PARP6: variants seen among roughly 807,000 people sequenced by gnomAD.
PARP6 encodes the protein poly(ADP-ribose) polymerase family member 6.
A neutral mutation model predicts 92.0 loss-of-function variants in PARP6; 27 were observed. That is an observed-to-expected ratio of 0.29 (90% CI 0.22 to 0.40). The LOEUF (loss-of-function observed/expected upper bound fraction) is 0.40. PARP6 is among the 10% of genes least tolerant of loss of function. PARP6 has a pLI of 1.00. For synonymous variants in PARP6, 272 were observed against 281.2 expected (o/e 0.97, Z 0.33); for missense variants, 501 against 784.5 (o/e 0.64, Z 4.32).
In PARP6 at chr15:72,267,584, G is replaced by A. The variant is rs1366031399; in HGVS notation, c.-107C>T. On this transcript the variant is annotated 5_prime_UTR_variant, in exon 3 of 24. Coordinates refer to ENST00000569795, the MANE Select transcript of PARP6 (RefSeq NM_001323532.2). Reference sequence around the variant, plus strand: ...ATGGGCATTTAGGAGACCACAAAGGGAGACAAGGTAGGGCACGATGTCAGG... The same window carrying A: ...ATGGGCATTTAGGAGACCACAAAGGAAGACAAGGTAGGGCACGATGTCAGG... 8.1e-7 allele frequency: 1 copy of A among 1,227,424 alleles called. No individual in the cohort carries two copies. The highest frequency in any genetic ancestry group is 1.5e-5 in the African/African-American group (1 of 67,342). The allele number at this position is 1,227,424 out of a possible 1,614,324, so 76.0% of individuals were successfully genotyped here. A position where few individuals can be genotyped will look rare whatever the true frequency, so the allele number is the denominator to read the frequency against.
chr15:72,257,467 G>A (rs1427865315), intron 12 of PARP6, 27 bp from the exon 13 acceptor site: 1 of 1,556,834 alleles, frequency 6.4e-7, no homozygotes, highest in Admixed American at 1.7e-5. Context: ...AACAGATGGT[G>A]GTGGGATGGG....
intron 15 of PARP6, 23 bp from the exon 16 acceptor site, chr15:72,253,527 T>G (rs1359784513): frequency 1.0e-5 from 16 of 1,601,570 alleles, no homozygotes; most frequent in Non-Finnish European, 1.4e-5. Context: ...GGCCATAACG[T>G]TATCTCCTTG....
Position 72,254,512 on chromosome 15 carries a change from ATTC to A in PARP6, c.1131_1133del (p.Lys377del). 1.2e-6 allele frequency: 2 copies of A among 1,612,470 alleles called. No homozygotes were observed. The highest frequency in any genetic ancestry group is 1.7e-6 in the Non-Finnish European group (2 of 1,178,500). On this transcript the variant is annotated inframe_deletion, in exon 15 of 24. Coordinates refer to ENST00000569795, the MANE Select transcript of PARP6 (RefSeq NM_001323532.2). ...CCAGAGCTTTCTGAAGCCGCTCATA[ATTC>A]TTCTTCTGTGGAGAATCAATGGGAA...
At position 72,257,922 on chromosome 15, in the gene PARP6, A is replaced by G. The variant is rs914115854; in HGVS notation, c.906+115T>C. 1.5e-5 allele frequency: 11 copies of G among 755,238 alleles called. No individual in the cohort carries two copies. In the African/African-American group the frequency reaches 1.6e-4, roughly 11 times the overall value. 46.8% of individuals were successfully genotyped at this position (755,238 alleles called of 1,614,324 possible). A position where few individuals can be genotyped will look rare whatever the true frequency, so the allele number is the denominator to read the frequency against. On this transcript the variant is annotated intron_variant, in intron 12 of 23. Transcript: ENST00000569795. ...GAGAAAAATCAACAATTTCTAGAGT[A>G]TCAGGGTGTACAGACAGAATTTTAC...
Position 72,249,451 on chromosome 15 carries a change from G to A in PARP6, c.1492-137C>T, listed in dbSNP as rs1358459884. On this transcript the variant is annotated intron_variant, in intron 19 of 23. Transcript: ENST00000569795. Reference sequence around the variant, plus strand: ...CAAGTAACCCTAAGCACCTATTCTCGGAAAGCCAACTGGCTGAAAAGTGGA... The same window carrying A: ...CAAGTAACCCTAAGCACCTATTCTCAGAAAGCCAACTGGCTGAAAAGTGGA... The A allele has an allele frequency of 9.5e-6, 5 of 526,730 alleles. No individual in the cohort carries two copies. The South Asian group carries it at 9.6e-5, about 10-fold the overall frequency. 32.6% of individuals were successfully genotyped at this position (526,730 alleles called of 1,614,324 possible). A position where few individuals can be genotyped will look rare whatever the true frequency, so the allele number is the denominator to read the frequency against.
chr15:72,267,754 A>T, intron 2 of PARP6, 83 bp from the exon 3 acceptor site: 1 of 391,598 alleles, frequency 2.6e-6, no homozygotes, highest in Non-Finnish European at 4.6e-6. Flanking sequence ...ATTTATCAAT[A>T]CACTTTTTTT....
chr15:72,257,476 G>C (rs375203601), intron 12 of PARP6, 36 bp from the exon 13 acceptor site: 25 of 1,543,632 alleles, frequency 1.6e-5, no homozygotes, highest in Middle Eastern at 1.7e-4. Flanking sequence ...TGGTGGGATG[G>C]GGTGTGCAAT....
At position 72,267,220 on chromosome 15, in the gene PARP6, C is replaced by T. The variant is rs1215719908; in HGVS notation, c.3+255G>A. On this transcript the variant is annotated intron_variant, in intron 3 of 23. Coordinates refer to ENST00000569795, the MANE Select transcript of PARP6 (RefSeq NM_001323532.2). ...TTACCTAAGACAGTTCCCAAGCACACCTAAACTCTCTTGTCTCATTATTTT... is the reference window on the plus strand; with the variant it reads ...TTACCTAAGACAGTTCCCAAGCACATCTAAACTCTCTTGTCTCATTATTTT... 5 of 575,368 alleles carry T rather than the reference C, an allele frequency of 8.7e-6. No homozygotes were observed. In the East Asian group the frequency reaches 1.4e-4, roughly 17 times the overall value. 35.6% of individuals were successfully genotyped at this position (575,368 alleles called of 1,614,324 possible).
intron 8 of PARP6, among the ~76,000 whole-genome samples, chr15:72,262,661 A>G (rs1597112688): frequency 6.6e-6 from 1 of 152,148 alleles, no homozygotes; most frequent in East Asian, 1.9e-4. Flanking sequence ...TACCTTCACC[A>G]CTATAATTGT....
intron 11 of PARP6, 22 bp downstream of exon 11, chr15:72,259,586 G>A (rs1239994771): frequency 1.9e-6 from 3 of 1,611,558 alleles, no homozygotes; most frequent in Non-Finnish European, 2.5e-6. Context: ...GGGCTTCGGA[G>A]TGACAATTTT....
intron 3 of PARP6, 28 bp from the exon 4 acceptor site, chr15:72,266,850 C>G: frequency 6.5e-7 from 1 of 1,538,762 alleles, no homozygotes; most frequent in Non-Finnish European, 9.0e-7. Flanking sequence ...GGATATCATG[C>G]TTTGTTAGGT....
chr15:72,263,361 T>C (rs139996348), intron 8 of PARP6, among the ~76,000 whole-genome samples: 6 of 152,346 alleles, frequency 3.9e-5, no homozygotes, highest in African/African-American at 1.4e-4. Context: ...GCCTTTAGCA[T>C]CTCTTGTCTT....
chr15:72,261,776 C>CA (rs1567221532), intron 8 of PARP6, 69 bp from the exon 9 acceptor site: 1 of 1,481,164 alleles, frequency 6.8e-7, no homozygotes, highest in African/African-American at 1.4e-5. Flanking sequence ...TAAAGAGAGA[C>CA]AAATAATCTA....
At position 72,242,294 on chromosome 15, in the gene PARP6, T is replaced by G; in HGVS notation, c.1642-74A>C. 8.3e-7 allele frequency: 1 copy of G among 1,206,424 alleles called. No homozygotes were observed. The highest frequency in any genetic ancestry group is 1.5e-5 in the African/African-American group (1 of 66,952). The allele number at this position is 1,206,424 out of a possible 1,614,324, so 74.7% of individuals were successfully genotyped here. On this transcript the variant is annotated intron_variant, in intron 21 of 23. Transcript: ENST00000569795. This position sits in a 1 kb window ranked among gnomAD's most constrained non-coding sequence, Gnocchi z 4.3. Reference sequence around the variant, plus strand: ...GCTTTCCCTAGAGAGGCTGGTTAGCTGATGATTGGGAGTGGGGATCAGAGA... The same window carrying G: ...GCTTTCCCTAGAGAGGCTGGTTAGCGGATGATTGGGAGTGGGGATCAGAGA...
Position 72,268,771 on chromosome 15 carries a change from T to C in PARP6, c.-194-1100A>G, listed in dbSNP as rs74928164. ...GTCTCAGTTGTCATTGCCAAAATAA[T>C]GCCCTAAAGTCATCTTGGAACCTGC... On this transcript the variant is annotated intron_variant, in intron 2 of 23. Transcript: ENST00000569795. 6.5e-3 allele frequency among the ~76,000 whole-genome samples: 989 copies of C among 152,346 alleles called. 7 individuals are homozygous for C. The highest frequency in any genetic ancestry group is 0.011 in the Non-Finnish European group (755 of 68,026).
intron 16 of PARP6, among the ~76,000 whole-genome samples, chr15:72,251,991 G>C (rs2084422057): frequency 6.6e-6 from 1 of 152,216 alleles, no homozygotes; most frequent in South Asian, 2.1e-4. Context: ...TTATTCCTCA[G>C]GCTAAGAGGG....
chr15:72,253,431 C>T lies in PARP6; in HGVS notation c.1259+6G>A, dbSNP rs370604824. ...ACCCAAGAAGGATGAGCCATTCTATCCATACCACTGCAGGAGAGGATGGGC... is the reference window on the plus strand; with the variant it reads ...ACCCAAGAAGGATGAGCCATTCTATTCATACCACTGCAGGAGAGGATGGGC... On this transcript the variant is annotated splice_donor_region_variant and intron_variant, in intron 16 of 23. Transcript: ENST00000569795. 29 of 1,610,350 alleles carry T rather than the reference C, an allele frequency of 1.8e-5. No individual in the cohort carries two copies. Among genetic ancestry groups the T allele is most frequent in the Non-Finnish European group, 2.3e-5 (27 of 1,176,690 alleles).
intron 20 of PARP6, among the ~76,000 whole-genome samples, chr15:72,246,709 TCTCA>T (rs549684331): frequency 2.1e-4 from 32 of 152,300 alleles, no homozygotes; most frequent in African/African-American, 7.7e-4. Flanking sequence ...GGCATCACAG[TCTCA>T]CTCTGTCTTC....
intron 18 of PARP6, 183 bp from the exon 19 acceptor site, chr15:72,250,275 T>C: frequency 1.7e-6 from 1 of 571,740 alleles, no homozygotes; most frequent in Non-Finnish European, 3.2e-6. Context: ...GGTTAAACTC[T>C]ACGTCTCTAT....
Sources: gnomAD v4.1 joint callset for allele counts (sites outside exome capture counted in the v4.1 genomes callset) on GRCh38, gnomAD v4.1.1 for gene constraint, Gnocchi (gnomAD v3.1) non-coding constraint, MANE v1.5 for transcripts, NCBI Gene and HGNC (gene_info 2026-07-23, HGNC 2026-07-21) for gene names.